The following MUC15 variants were observed in gnomAD, a reference collection of about 807,000 sequenced individuals.
MUC15 encodes mucin-15.
In MUC15, 23 loss-of-function variants were observed where a neutral mutation model predicts 24.0. The ratio of observed to expected loss-of-function variants is 0.96; its 90% CI spans 0.69 to 1.36. MUC15 has a LOEUF of 1.36. Among genes scored for constraint, MUC15 ranks in the 40% most tolerant of loss-of-function variants. MUC15 has a pLI of 0.00. For synonymous variants in MUC15, 151 were observed against 156.3 expected (o/e 0.97, Z 0.25); for missense variants, 442 against 428.2 (o/e 1.03, Z -0.29).
intron 2 of MUC15, among the ~76,000 whole-genome samples, chr11:26,566,719 C>G (rs1454522781): frequency 6.6e-6 from 1 of 151,794 alleles, no homozygotes; most frequent in Non-Finnish European, 1.5e-5. Flanking sequence ...ATCATTCCGC[C>G]TCTTAAGTGT....
At chr11:26,569,443 G>T (rs904129438) in intron 1 of MUC15, among the ~76,000 whole-genome samples, 1 of 152,030 alleles carries the variant, frequency 6.6e-6, no homozygotes, top group African/African-American at 2.4e-5. Context: ...CTGCTGCCTG[G>T]CTTCTAGGAG....
rs751594123 is a variant in MUC15, at chr11:26,563,274, C to CA, written c.776-10dup. On this transcript the variant is annotated splice_polypyrimidine_tract_variant and intron_variant, in intron 3 of 4. Coordinates refer to ENST00000529533, the MANE Select transcript of MUC15 (RefSeq NM_001135091.2). ...TCCTGTATTTCTATTTTCTACAGGA[C>CA]AAAAAAAATTTAAAGAAATATAAAA... The CA allele has an allele frequency of 4.1e-5, 65 of 1,574,478 alleles. No individual in the cohort carries two copies. Among genetic ancestry groups the CA allele is most frequent in the African/African-American group, 4.0e-4 (29 of 72,426 alleles).
rs566018191 is a variant in MUC15, at chr11:26,568,825, C to A, written c.-45-1686G>T. Among the ~76,000 whole-genome samples, 4 of 152,092 alleles carry A rather than the reference C, an allele frequency of 2.6e-5. No individual in the cohort carries two copies. In the South Asian group the frequency reaches 8.3e-4, roughly 32 times the overall value. ...TATGTGTACCTTTTCAGAAACATCT[C>A]TCTCCTGTGAACTCTGCAAAGTTCA... On this transcript the variant is annotated intron_variant, in intron 1 of 4. Transcript: ENST00000529533.
chr11:26,567,289 T>A (rs1271207045), intron 1 of MUC15, 150 bp from the exon 2 acceptor site: 1 of 466,142 alleles, frequency 2.1e-6, no homozygotes, highest in Non-Finnish European at 3.6e-6. Flanking sequence ...ACTGATTTCA[T>A]GTTTTTGAAT....
Position 26,565,717 on chromosome 11 carries a change from A to T in MUC15, c.223T>A (p.Ser75Thr), listed in dbSNP as rs1202256524. 2.5e-6 allele frequency: 4 copies of T among 1,605,820 alleles called. No homozygotes were observed. The African/African-American group carries it at 5.4e-5, about 22-fold the overall frequency. ...VFKTMENKPI[S>T]LESEANLNSD... ...TTTAAGTTTGCTTCACTTTCCAAAG[A>T]AATAGGTTTATTTTCCATTGTTTTA... Residue 75 changes from serine to threonine, a missense_variant, in exon 3 of 5, where the codon TCT becomes ACT. Transcript: ENST00000529533.
At chr11:26,563,000 T>G in intron 4 of MUC15, 116 bp downstream of exon 4, 1 of 1,397,012 alleles carries the variant, frequency 7.2e-7, no homozygotes. Context: ...AAGTCTTTAG[T>G]TTGTTCATTC....
chr11:26,564,350 T>A (rs1054386415), intron 3 of MUC15, among the ~76,000 whole-genome samples: 7 of 151,654 alleles, frequency 4.6e-5, no homozygotes, highest in Non-Finnish European at 1.0e-4. Context: ...GGAATTTGTA[T>A]ATATGATTTG....
chr11:26,567,615 C>A (rs1412458367), intron 1 of MUC15, among the ~76,000 whole-genome samples: 1 of 151,948 alleles, frequency 6.6e-6, no homozygotes, highest in Non-Finnish European at 1.5e-5. Flanking sequence ...AAGCTTTTAG[C>A]AAGCAATTGC....
At position 26,563,395 on chromosome 11, in the gene MUC15, C is replaced by CTGTGTGTGTGTGTG. The variant is rs71047867; in HGVS notation, c.776-144_776-131dup. On this transcript the variant is annotated intron_variant, in intron 3 of 4. Transcript: ENST00000529533. ...ATTAGATAATGGTGTGTTTCTCTCT[C>CTGTGTGTGTGTGTG]TGTGTGTGTGTGTGTGTGTGTGTGT... is the stretch of plus-strand genomic sequence containing the variant. 5.7e-5 allele frequency: 31 copies of CTGTGTGTGTGTGTG among 540,106 alleles called. No individual in the cohort carries two copies. The Admixed American group carries it at 6.6e-4, about 11-fold the overall frequency. 33.5% of individuals were successfully genotyped at this position (540,106 alleles called of 1,614,324 possible).
rs1850550986 is a variant in MUC15 at position 26,565,745 on chromosome 11, A to C, written c.195T>G (p.Val65=). ...DINTTQNIAE[V]FKTMENKPIS... Reference sequence around the variant, plus strand: ...TAGGTTTATTTTCCATTGTTTTAAAAACTTCTGCAATGTTCTGTGTTGTGT... The same window carrying C: ...TAGGTTTATTTTCCATTGTTTTAAACACTTCTGCAATGTTCTGTGTTGTGT... Residue 65 remains valine, a synonymous_variant, in exon 3 of 5, where the codon GTT becomes GTG. Coordinates refer to ENST00000529533, the MANE Select transcript of MUC15 (RefSeq NM_001135091.2). The C allele has an allele frequency of 6.2e-7, 1 of 1,605,948 alleles. No homozygotes were observed.
intron 2 of MUC15, 91 bp from the exon 3 acceptor site, chr11:26,565,987 G>C (rs1357490497): frequency 5.6e-6 from 7 of 1,239,412 alleles, no homozygotes; most frequent in Non-Finnish European, 7.6e-6. Flanking sequence ...TAAAAATCTA[G>C]ACATAATATA....
chr11:26,563,748 A>C (rs1850397940), intron 3 of MUC15, among the ~76,000 whole-genome samples: 1 of 151,862 alleles, frequency 6.6e-6, no homozygotes, highest in Admixed American at 6.6e-5. Context: ...TACAAGGAAA[A>C]ATCAGTGTAT....
At chr11:26,565,037 G>T in intron 3 of MUC15, 128 bp downstream of exon 3, 1 of 933,084 alleles carries the variant, frequency 1.1e-6, no homozygotes. Context: ...TCCCTCAAAA[G>T]TGAGAAAATC....
At position 26,563,110 on chromosome 11, in the gene MUC15, T is replaced by A. The variant is rs764719014; in HGVS notation, c.925+6A>T. On this transcript the variant is annotated splice_donor_region_variant and intron_variant, in intron 4 of 4. Coordinates refer to ENST00000529533, the MANE Select transcript of MUC15 (RefSeq NM_001135091.2). Reference sequence around the variant, plus strand: ...GCCCAGGTGAAGTATTGAAAATAGATTTTACCTGGTTCATTTCTGTCGTCA... The same window carrying A: ...GCCCAGGTGAAGTATTGAAAATAGAATTTACCTGGTTCATTTCTGTCGTCA... 1 of 1,610,912 alleles carries A rather than the reference T, an allele frequency of 6.2e-7. No individual in the cohort carries two copies. The highest frequency in any genetic ancestry group is 8.5e-7 in the Non-Finnish European group (1 of 1,178,276).
chr11:26,564,718 C>A lies in MUC15; in HGVS notation c.775+447G>T, dbSNP rs1401537002. Among the ~76,000 whole-genome samples the A allele has an allele frequency of 2.7e-5, 2 of 74,924 alleles. 1 individual carries two copies. The highest frequency in any genetic ancestry group is 5.2e-5 in the Non-Finnish European group (2 of 38,750). 49.2% of individuals were successfully genotyped at this position (74,924 alleles called of 152,430 possible). A position where few individuals can be genotyped will look rare whatever the true frequency, so the allele number is the denominator to read the frequency against. On this transcript the variant is annotated intron_variant, in intron 3 of 4. Coordinates refer to ENST00000529533, the MANE Select transcript of MUC15 (RefSeq NM_001135091.2). The stretch of plus-strand genomic sequence containing the variant: ...ACACACACACACACACACACACACA[C>A]ACACACACACACACATATATATATA...
At chr11:26,570,735 ACT>A (rs1293783224) in intron 1 of MUC15, among the ~76,000 whole-genome samples, 1 of 151,830 alleles carries the variant, frequency 6.6e-6, no homozygotes, top group Non-Finnish European at 1.5e-5. Context: ...CTCAAAGAAA[ACT>A]CTGTCTGCTA....
At chr11:26,568,347 C>T (rs376496126) in intron 1 of MUC15, among the ~76,000 whole-genome samples, 34 of 151,990 alleles carry the variant, frequency 2.2e-4, no homozygotes, top group African/African-American at 6.7e-4. Context: ...ACTGAGAGAT[C>T]GGATTTGGAT....
rs1240967156 is a variant in MUC15, at chr11:26,567,059, C to T, written c.36G>A (p.Arg12=). 9.3e-6 allele frequency: 14 copies of T among 1,505,706 alleles called. No individual in the cohort carries two copies. In the Admixed American group the frequency reaches 1.3e-4, roughly 14 times the overall value. 93.3% of individuals were successfully genotyped at this position (1,505,706 alleles called of 1,614,324 possible). The change falls in exon 2 of 5, where the codon AGG becomes AGA. Residue 12 remains arginine, a synonymous_variant. Transcript: ENST00000529533. ...ATCTTATTTGATACTTACAACAATC[C>T]CTTGATGTGGCAAGAATAGATTGTA... ...GIIQSILATS[R]DCYSFKKKPI...
At chr11:26,565,945 G>A (rs1850563676) in intron 2 of MUC15, 49 bp from the exon 3 acceptor site, 1 of 1,420,224 alleles carries the variant, frequency 7.0e-7, no homozygotes, top group Non-Finnish European at 9.4e-7. Context: ...AATACTCTGA[G>A]TTTTTAAATG....
Sources: allele counts gnomAD v4.1 joint callset (sites outside exome capture counted in the v4.1 genomes callset), GRCh38; gene constraint gnomAD v4.1.1; transcripts MANE v1.5; gene names NCBI Gene and HGNC (gene_info 2026-07-23, HGNC 2026-07-21).